Variants in BBS9 observed in about 807,000 individuals in gnomAD.
The protein encoded by BBS9 is protein PTHB1.
Under a neutral mutation model 117.7 loss-of-function variants are expected in BBS9, and 89 were observed. The ratio of observed to expected loss-of-function variants is 0.76; its 90% CI spans 0.64 to 0.90. The LOEUF is 0.90. Among genes scored for constraint, BBS9 ranks in the 40% least tolerant of loss-of-function variants. BBS9 has a pLI of 0.00. For missense variants in BBS9, 982 were observed against 1,042.2 expected (o/e 0.94, Z 0.80); for synonymous variants, 379 against 370.9 (o/e 1.02, Z -0.25).
intron 4 of BBS9, among the ~76,000 whole-genome samples, chr7:33,169,631 G>T (rs1481712093): frequency 6.7e-6 from 1 of 150,120 alleles, no homozygotes; most frequent in Admixed American, 6.6e-5. Context: ...GTCTGTTCAT[G>T]TCCTTCGCCC....
intron 9 of BBS9, among the ~76,000 whole-genome samples, chr7:33,288,129 T>C (rs1803252209): frequency 6.6e-6 from 1 of 152,102 alleles, no homozygotes; most frequent in Non-Finnish European, 1.5e-5. Flanking sequence ...ACTAGGAGGA[T>C]GGGGTGGAGC....
chr7:33,274,674 T>G, intron 9 of BBS9, among the ~76,000 whole-genome samples: 1 of 152,152 alleles, frequency 6.6e-6, no homozygotes, highest in East Asian at 1.9e-4. Context: ...CAGTTCTACT[T>G]ATTTATAATA....
At chr7:33,351,081 G>A (rs1818562189) in intron 13 of BBS9, 138 bp from the exon 14 acceptor site, 1 of 627,008 alleles carries the variant, frequency 1.6e-6, no homozygotes, top group Non-Finnish European at 2.9e-6. Context: ...CAGGTTTGTT[G>A]TGAAGATTTA....
chr7:33,448,144 C>T (rs991237585), intron 19 of BBS9, among the ~76,000 whole-genome samples: 11 of 152,248 alleles, frequency 7.2e-5, no homozygotes, highest in East Asian at 5.8e-4. Flanking sequence ...GCTAGTTTTC[C>T]GGACTCTGCT....
chr7:33,220,522 T>C (rs910160904), intron 5 of BBS9, among the ~76,000 whole-genome samples: 1 of 152,244 alleles, frequency 6.6e-6, no homozygotes, highest in African/African-American at 2.4e-5. Flanking sequence ...TATATAAAAC[T>C]ACTTTGTACC....
chr7:33,390,121 C>A lies in BBS9; in HGVS notation c.2115+1977C>A, dbSNP rs779834130. On this transcript the variant is annotated intron_variant, in intron 19 of 22. Coordinates refer to ENST00000242067, the MANE Select transcript of BBS9 (RefSeq NM_198428.3). ...TCCTTCTTTTCCTTTTCCTTTTTCC[C>A]ATTTCTTTGTTCACTTTTCTTTCTC... The A allele has an allele frequency of 2.5e-4, 85 of 339,584 alleles. 1 individual carries two copies. Among genetic ancestry groups the A allele is most frequent in the Non-Finnish European group, 3.3e-4 (80 of 240,456 alleles). 21.0% of individuals were successfully genotyped at this position (339,584 alleles called of 1,614,324 possible). A position where few individuals can be genotyped will look rare whatever the true frequency, so the allele number is the denominator to read the frequency against.
chr7:33,180,841 T>C (rs552019828), intron 5 of BBS9, among the ~76,000 whole-genome samples: 1 of 152,124 alleles, frequency 6.6e-6, no homozygotes, highest in East Asian at 1.9e-4. Context: ...GGGATCCACC[T>C]GGTGTGACAA....
rs144856380 is a variant in BBS9 at position 33,242,539 on chromosome 7, CT to C, written c.443-14688del. Among the ~76,000 whole-genome samples the C allele has an allele frequency of 2.8e-3, 428 of 151,234 alleles. 1 individual carries two copies. The highest frequency in any genetic ancestry group is 0.01 in the African/African-American group (413 of 41,276). On this transcript the variant is annotated intron_variant, in intron 5 of 22. Coordinates refer to ENST00000242067, the MANE Select transcript of BBS9 (RefSeq NM_198428.3). ...GTTTTTAGCTTCTAAATTTTATTTA[CT>C]TTTTTTTTGCAGCATATTGATGTAC...
intron 21 of BBS9, among the ~76,000 whole-genome samples, chr7:33,554,361 T>C (rs1854938436): frequency 6.6e-6 from 1 of 152,142 alleles, no homozygotes. Context: ...GAAGAGACTA[T>C]TGTAGAAATG....
rs1409925344 is a variant in BBS9, at chr7:33,621,260, C to A, written c.2522-13917C>A. On this transcript the variant is annotated intron_variant, in intron 21 of 21. Coordinates refer to the BBS9 transcript ENST00000671952. ...GGAGACAATCAAAAGAGTAAACAGA[C>A]AACCTATGGAATGGGGAAAATATTT... Among the ~76,000 whole-genome samples the A allele has an allele frequency of 3.3e-5, 5 of 152,076 alleles. 1 individual carries two copies. In the East Asian group the frequency reaches 9.6e-4, roughly 29 times the overall value.
chr7:33,615,181 A>G (rs1865068032), intron 21 of BBS9, among the ~76,000 whole-genome samples: 2 of 152,048 alleles, frequency 1.3e-5, no homozygotes, highest in African/African-American at 4.8e-5. Flanking sequence ...TACCCAGTAC[A>G]TCATATCCAG....
chr7:33,204,929 A>G (rs1786629874), intron 5 of BBS9, among the ~76,000 whole-genome samples: 1 of 152,104 alleles, frequency 6.6e-6, no homozygotes, highest in Admixed American at 6.5e-5. Flanking sequence ...GTTGGTCACA[A>G]TTCTTTACTT....
intron 21 of BBS9, among the ~76,000 whole-genome samples, chr7:33,612,824 A>G (rs1864946208): frequency 6.6e-6 from 1 of 152,058 alleles, no homozygotes; most frequent in Non-Finnish European, 1.5e-5. Flanking sequence ...TTAAGGAGAC[A>G]ATATGATATA....
At chr7:33,142,741 G>A (rs111594904) in intron 1 of BBS9, among the ~76,000 whole-genome samples, 9 of 147,256 alleles carry the variant, frequency 6.1e-5, no homozygotes, top group African/African-American at 2.0e-4. Flanking sequence ...CATCTACATA[G>A]CAGATGTCAG....
chr7:33,550,526 A>G (rs1180390337), intron 21 of BBS9, among the ~76,000 whole-genome samples: 2 of 152,164 alleles, frequency 1.3e-5, no homozygotes, highest in Non-Finnish European at 2.9e-5. Context: ...TAACTGGCCT[A>G]AAATAGGAGC....
At chr7:33,263,662 A>G (rs1798334770) in intron 6 of BBS9, among the ~76,000 whole-genome samples, 1 of 152,136 alleles carries the variant, frequency 6.6e-6, no homozygotes, top group African/African-American at 2.4e-5. Flanking sequence ...ATTGATCTCT[A>G]TCTCTATATA....
At chr7:33,413,307 T>G (rs889272221) in intron 19 of BBS9, among the ~76,000 whole-genome samples, 6 of 152,236 alleles carry the variant, frequency 3.9e-5, no homozygotes, top group Non-Finnish European at 8.8e-5. Flanking sequence ...TAACATTCCT[T>G]TATTAAGACA....
intron 19 of BBS9, among the ~76,000 whole-genome samples, chr7:33,415,973 A>T (rs544239502): frequency 2.6e-5 from 4 of 152,130 alleles, no homozygotes; most frequent in African/African-American, 9.6e-5. Context: ...TGCTGGAACA[A>T]CAGGTGCATC....
chr7:33,301,309 A>G (rs1584195578), intron 9 of BBS9, among the ~76,000 whole-genome samples: 2 of 152,024 alleles, frequency 1.3e-5, no homozygotes, highest in African/African-American at 4.8e-5. Context: ...TTTTAAATAT[A>G]TAATTAAATT....
Sources: allele counts gnomAD v4.1 joint callset (sites outside exome capture counted in the v4.1 genomes callset), GRCh38; gene constraint gnomAD v4.1.1; transcripts MANE v1.5; gene names NCBI Gene and HGNC (gene_info 2026-07-23, HGNC 2026-07-21).